The following CHMP1A variants were observed in gnomAD, a reference collection of about 807,000 sequenced individuals.
CHMP1A encodes VPS46 homolog A.
CHMP1A carries 17 observed loss-of-function variants against 27.0 expected under a neutral mutation model. The observed-to-expected ratio is 0.63, with a 90% confidence interval of 0.43 to 0.95. The LOEUF (loss-of-function observed/expected upper bound fraction) is 0.95. CHMP1A is among the 40% of genes least tolerant of loss of function. The pLI is 0.00. For synonymous variants in CHMP1A, 131 were observed against 107.5 expected (o/e 1.22, Z -1.35); for missense variants, 275 against 264.0 (o/e 1.04, Z -0.29).
chr16:89,648,792 G>A (rs561450155), intron 4 of CHMP1A, among the ~76,000 whole-genome samples: 14 of 100,356 alleles, frequency 1.4e-4, no homozygotes, highest in Admixed American at 4.4e-4. Flanking sequence ...TTGGGAGGCT[G>A]AGGCAGGAGG....
At chr16:89,653,852 C>G in intron 2 of CHMP1A, 52 bp downstream of exon 2, 1 of 1,587,956 alleles carries the variant, frequency 6.3e-7, no homozygotes. Flanking sequence ...GTGGCTTATA[C>G]TATCTGTCCT....
chr16:89,649,715 A>G, intron 3 of CHMP1A: 1 of 525,264 alleles, frequency 1.9e-6, no homozygotes, highest in South Asian at 2.4e-5. Flanking sequence ...AGTTGGGACT[A>G]CAGGCGCCCG....
intron 4 of CHMP1A, among the ~76,000 whole-genome samples, chr16:89,648,592 G>A (rs556677318): frequency 7.2e-5 from 11 of 152,302 alleles, no homozygotes; most frequent in South Asian, 4.1e-4. Context: ...TGCCAAGACC[G>A]AGGCCTGGCC....
intron 1 of CHMP1A, among the ~76,000 whole-genome samples, chr16:89,655,198 G>A (rs1034524857): frequency 3.9e-5 from 6 of 152,278 alleles, no homozygotes; most frequent in East Asian, 1.9e-4. Flanking sequence ...CAGTGCAGGC[G>A]TGGTCAAGGC....
At position 89,649,403 on chromosome 16, in the gene CHMP1A, GACGCCAT is replaced by G. The variant is rs765232754; in HGVS notation, c.193_199del (p.Met65ProfsTer3). 1 of 1,613,680 alleles carries G rather than the reference GACGCCAT, an allele frequency of 6.2e-7. No homozygotes were observed. The highest frequency in any genetic ancestry group is 8.5e-7 in the Non-Finnish European group (1 of 1,179,866). ...CTTGGAGGCCACTGCGTCTACGCGG[GACGCCAT>G]CCGAAGCCAGTTCACACCTTCGTTC... On this transcript the variant is annotated frameshift_variant, in exon 4 of 7. Transcript: ENST00000397901.
Position 89,649,468 on chromosome 16 carries a change from G to T in CHMP1A, c.135C>A (p.Ala45=), listed in dbSNP as rs1246955388. The change falls in exon 4 of 7, where the codon GCC becomes GCA. Residue 45 remains alanine, a synonymous_variant. Coordinates refer to ENST00000397901, the MANE Select transcript of CHMP1A (RefSeq NM_002768.5). ...GGATGGCGTTCTCGGCATACACACG[G>T]GCACACTCTACATTTTTCTGCAGAA... ...KALLQKNVEC[A]RVYAENAIRK... 3.7e-6 allele frequency: 6 copies of T among 1,613,730 alleles called. No homozygotes were observed. In the South Asian group the frequency reaches 4.4e-5, roughly 12 times the overall value.
rs781332646 is a variant in CHMP1A at position 89,645,997 on chromosome 16, C to A, written c.*69G>T. The A allele has an allele frequency of 6.8e-6, 11 of 1,612,020 alleles. No individual in the cohort carries two copies. The East Asian group carries it at 1.8e-4, about 26-fold the overall frequency. ...GCGGGGTCAGCACAAAGGCAAGACG[C>A]GGTGGGGAGAGGACAGGAGCCTTCC... On this transcript the variant is annotated 3_prime_UTR_variant, in exon 7 of 7. Transcript: ENST00000397901.
intron 3 of CHMP1A, among the ~76,000 whole-genome samples, chr16:89,650,955 T>G (rs2059819142): frequency 6.6e-6 from 1 of 152,208 alleles, no homozygotes; most frequent in Non-Finnish European, 1.5e-5. Context: ...CTCAGTGGGC[T>G]GGGAAGGTCT....
In CHMP1A at chr16:89,657,645, G is replaced by A; in HGVS notation, c.-57C>T. On this transcript the variant is annotated 5_prime_UTR_variant, in exon 1 of 7. Coordinates refer to ENST00000397901, the MANE Select transcript of CHMP1A (RefSeq NM_002768.5). ...GGAGAAGGGACGCCAACTCCGGGCG[G>A]TGTCAGGTCCCGGCGGCGATCGAAC... The A allele has an allele frequency of 1.2e-6, 2 of 1,606,814 alleles. No homozygotes were observed. The highest frequency in any genetic ancestry group is 1.3e-5 in the African/African-American group (1 of 74,218).
Position 89,657,573 on chromosome 16 carries a change from AC to A in CHMP1A, c.7+8del. ...CGCGAGTCCCCGGAGGACGGCCGCG[AC>A]CTCTTACCGTCCATGGCCACAATGA... is the stretch of plus-strand genomic sequence containing the variant. On this transcript the variant is annotated splice_region_variant and intron_variant, in intron 1 of 6. Coordinates refer to ENST00000397901, the MANE Select transcript of CHMP1A (RefSeq NM_002768.5). 6.2e-7 allele frequency: 1 copy of A among 1,610,610 alleles called. No individual in the cohort carries two copies.
chr16:89,654,748 C>A (rs2059851439), intron 1 of CHMP1A, among the ~76,000 whole-genome samples: 2 of 152,152 alleles, frequency 1.3e-5, no homozygotes, highest in Non-Finnish European at 2.9e-5. Flanking sequence ...CGAGACCATC[C>A]TGGCTAACAC....
chr16:89,645,867 C>T lies in CHMP1A; in HGVS notation c.*199G>A, dbSNP rs1402504806. 6 of 1,544,664 alleles carry T rather than the reference C, an allele frequency of 3.9e-6. No individual in the cohort carries two copies. The South Asian group carries it at 6.1e-5, about 16-fold the overall frequency. On this transcript the variant is annotated 3_prime_UTR_variant, in exon 7 of 7. Transcript: ENST00000397901. ...CCCCCAGAAATTTGCAGAAACTCAA[C>T]ACCAGGACACAGACCCACCGCCCAA...
intron 3 of CHMP1A, among the ~76,000 whole-genome samples, chr16:89,650,668 T>C (rs560115084): frequency 5.4e-4 from 82 of 151,612 alleles, no homozygotes; most frequent in Non-Finnish European, 1.1e-3. Flanking sequence ...TAGCCAGGTG[T>C]GGTGGCGCAT....
Position 89,646,974 on chromosome 16 carries a change from C to G in CHMP1A, c.381+229G>C, listed in dbSNP as rs1181119793. ...CACCTCTGCATGCTTGTCTGCCATC[C>G]GAGCCTCCCCACAAGGAGCCAGGTG... On this transcript the variant is annotated intron_variant, in intron 5 of 6. Coordinates refer to ENST00000397901, the MANE Select transcript of CHMP1A (RefSeq NM_002768.5). The G allele has an allele frequency of 4.2e-6, 6 of 1,431,914 alleles. No individual in the cohort carries two copies. The Admixed American group carries it at 8.4e-5, about 20-fold the overall frequency. The allele number at this position is 1,431,914 out of a possible 1,614,324, so 88.7% of individuals were successfully genotyped here.
intron 4 of CHMP1A, chr16:89,649,136 ACCCC>A: frequency 3.0e-6 from 1 of 330,304 alleles, no homozygotes; most frequent in South Asian, 4.9e-5. Flanking sequence ...AGCATTTCCC[ACCCC>A]ACGCTGATCC....
In CHMP1A at chr16:89,646,623, C is replaced by G. The variant is rs1283792042; in HGVS notation, c.473G>C (p.Gly158Ala). The G allele has an allele frequency of 6.2e-7, 1 of 1,608,580 alleles. No homozygotes were observed. The highest frequency in any genetic ancestry group is 8.5e-7 in the Non-Finnish European group (1 of 1,178,228). ...SLIMQIAEEN[G>A]LEVLDQLSQL... ...GCTGAGCTGGTCCAGCACCTCCAGG[C>G]CATTCTCCTCGGCGATCTGCATGAT... Residue 158 changes from glycine (G) to alanine (A), a missense_variant, in exon 6 of 7, where the codon GGC becomes GCC. By Grantham distance (60) the Gly-to-Ala change is moderately conservative. Coordinates refer to ENST00000397901, the MANE Select transcript of CHMP1A (RefSeq NM_002768.5).
chr16:89,657,287 T>C (rs1309968010), intron 1 of CHMP1A, among the ~76,000 whole-genome samples: 5 of 101,902 alleles, frequency 4.9e-5, no homozygotes, highest in Non-Finnish European at 8.0e-5. Context: ...GTCTAGGCCC[T>C]GGGGAAGGGG....
intron 2 of CHMP1A, 52 bp downstream of exon 2, chr16:89,653,852 C>T: frequency 6.3e-7 from 1 of 1,587,956 alleles, no homozygotes. Flanking sequence ...GTGGCTTATA[C>T]TATCTGTCCT....
chr16:89,645,512 G>A lies in CHMP1A; in HGVS notation c.*554C>T, dbSNP rs115450693. The A allele has an allele frequency of 0.02, 3,327 of 169,250 alleles. 106 individuals are homozygous for A. The highest frequency in any genetic ancestry group is 0.075 in the African/African-American group (3,124 of 41,600). The allele number at this position is 169,250 out of a possible 1,614,324, so 10.5% of individuals were successfully genotyped here. On this transcript the variant is annotated 3_prime_UTR_variant, in exon 7 of 7. Transcript: ENST00000397901. Reference sequence around the variant, plus strand: ...GCTCAGCCAGCTGGTAGGGGCGGCCGAGACACCACCCCTGGAGTGATGGAG... The same window carrying A: ...GCTCAGCCAGCTGGTAGGGGCGGCCAAGACACCACCCCTGGAGTGATGGAG...
Sources: allele counts gnomAD v4.1 joint callset (sites outside exome capture counted in the v4.1 genomes callset), GRCh38; gene constraint gnomAD v4.1.1; transcripts MANE v1.5; gene names NCBI Gene and HGNC (gene_info 2026-07-23, HGNC 2026-07-21).